Variants in NCOA1 observed in about 807,000 individuals in gnomAD.
NCOA1 encodes Hin-2 protein.
In NCOA1, 35 loss-of-function variants were observed where a neutral mutation model predicts 150.9. That is an observed-to-expected ratio of 0.23 (90% CI 0.18 to 0.31). The LOEUF is 0.31. NCOA1 is among the 10% of genes least tolerant of loss of function. NCOA1 has a pLI of 1.00. For missense variants in NCOA1, 1,491 were observed against 1,749.3 expected (o/e 0.85, Z 2.63); for synonymous variants, 590 against 630.0 (o/e 0.94, Z 0.95).
At chr2:24,525,408 C>G (rs1257173689) in intron 1 of NCOA1, among the ~76,000 whole-genome samples, 1 of 152,054 alleles carries the variant, frequency 6.6e-6, no homozygotes, top group African/African-American at 2.4e-5. Context: ...ACAAGGGTGG[C>G]ATATTAAGGA....
chr2:24,705,149 T>G lies in NCOA1; in HGVS notation c.1013T>G (p.Leu338Arg). 1 of 1,614,150 alleles carries G rather than the reference T, an allele frequency of 6.2e-7. No homozygotes were observed. The highest frequency in any genetic ancestry group is 8.5e-7 in the Non-Finnish European group (1 of 1,179,980). ...YRFILNDGTM[L>R]SAHTKCKLCY... ...TTCATATTGAATGATGGGACAATGCTTAGCGCCCACACCAAGTGTAAACTT... is the reference window on the plus strand; with the variant it reads ...TTCATATTGAATGATGGGACAATGCGTAGCGCCCACACCAAGTGTAAACTT... The change falls in exon 12 of 23, where the codon CTT becomes CGT. Residue 338 changes from leucine (L) to arginine (R), a missense_variant. Coordinates refer to ENST00000348332, the MANE Select transcript of NCOA1 (RefSeq NM_003743.5).
chr2:24,553,433 G>A (rs1422411940), intron 1 of NCOA1, among the ~76,000 whole-genome samples: 1 of 152,076 alleles, frequency 6.6e-6, no homozygotes, highest in Non-Finnish European at 1.5e-5. Context: ...TGGCCAGGCT[G>A]GTCCCAAACT....
At chr2:24,748,327 T>C (rs1032050966) in intron 19 of NCOA1, among the ~76,000 whole-genome samples, 12 of 149,712 alleles carry the variant, frequency 8.0e-5, no homozygotes, top group Admixed American at 2.7e-4. Context: ...TTCTAGCCTA[T>C]AAGGCCGGGC....
chr2:24,500,505 T>A (rs1663416456), intron 1 of NCOA1, among the ~76,000 whole-genome samples: 1 of 152,228 alleles, frequency 6.6e-6, no homozygotes, highest in Non-Finnish European at 1.5e-5. Flanking sequence ...TGGTTTGTAG[T>A]TTACAGGGGC....
At chr2:24,647,034 A>G (rs1332657193) in intron 4 of NCOA1, among the ~76,000 whole-genome samples, 3 of 152,204 alleles carry the variant, frequency 2.0e-5, no homozygotes, top group Non-Finnish European at 2.9e-5. Context: ...ACGATTCGCT[A>G]TATGAATAAC....
intron 17 of NCOA1, 90 bp downstream of exon 17, chr2:24,729,905 G>C (rs1220153813): frequency 1.4e-6 from 2 of 1,389,738 alleles, no homozygotes; most frequent in East Asian, 2.3e-5. Flanking sequence ...GTGTGCAGTA[G>C]TGCTATCTCA....
intron 1 of NCOA1, among the ~76,000 whole-genome samples, chr2:24,519,105 G>A (rs1178980774): frequency 1.3e-5 from 2 of 152,194 alleles, no homozygotes; most frequent in African/African-American, 4.8e-5. Flanking sequence ...CAATAGGGTG[G>A]TATGGGTTTC....
intron 2 of NCOA1, among the ~76,000 whole-genome samples, chr2:24,574,126 G>A (rs1342940554): frequency 6.6e-6 from 1 of 151,826 alleles, no homozygotes. Flanking sequence ...ATCTTACAAA[G>A]GAAAAGATGG....
chr2:24,670,764 A>G (rs367776638), intron 6 of NCOA1, among the ~76,000 whole-genome samples: 147 of 152,332 alleles, frequency 9.6e-4, no homozygotes, highest in African/African-American at 3.3e-3. Context: ...CAGTGGTTGC[A>G]CAATTCTGTG....
At chr2:24,587,395 T>C (rs1398409774) in intron 3 of NCOA1, among the ~76,000 whole-genome samples, 4 of 151,870 alleles carry the variant, frequency 2.6e-5, no homozygotes, top group Non-Finnish European at 4.4e-5. Context: ...AGGTTGCTTT[T>C]AGTATTCTGC....
At chr2:24,639,181 A>G (rs990668194) in intron 3 of NCOA1, among the ~76,000 whole-genome samples, 1 of 152,116 alleles carries the variant, frequency 6.6e-6, no homozygotes, top group Non-Finnish European at 1.5e-5. Context: ...GTTGGATACA[A>G]CTTACCTGTG....
intron 3 of NCOA1, among the ~76,000 whole-genome samples, chr2:24,627,182 CT>C (rs1669463038): frequency 6.9e-6 from 1 of 144,496 alleles, no homozygotes; most frequent in Non-Finnish European, 1.5e-5. Context: ...TCCTCACCCC[CT>C]ACCCCCACTA....
intron 1 of NCOA1, among the ~76,000 whole-genome samples, chr2:24,534,451 C>T (rs1379841349): frequency 6.6e-6 from 1 of 150,726 alleles, no homozygotes; most frequent in African/African-American, 2.4e-5. Flanking sequence ...CTATCTCCTT[C>T]AGTTCTGCTC....
At chr2:24,714,952 C>T (rs538981543) in intron 14 of NCOA1, among the ~76,000 whole-genome samples, 1 of 151,988 alleles carries the variant, frequency 6.6e-6, no homozygotes, top group African/African-American at 2.4e-5. Context: ...CACATTATGT[C>T]AGATAAACAA....
At chr2:24,513,755 A>G (rs961785669) in intron 1 of NCOA1, among the ~76,000 whole-genome samples, 15 of 152,196 alleles carry the variant, frequency 9.9e-5, no homozygotes, top group Admixed American at 3.3e-4. Context: ...ACATTCCTCA[A>G]ACATTTCTAG....
intron 14 of NCOA1, among the ~76,000 whole-genome samples, chr2:24,722,193 A>C (rs1674388202): frequency 6.6e-6 from 1 of 152,192 alleles, no homozygotes; most frequent in African/African-American, 2.4e-5. Context: ...CCTGGTTTCA[A>C]AACATGTTGT....
chr2:24,659,827 A>T (rs1671100287), intron 5 of NCOA1, among the ~76,000 whole-genome samples: 1 of 152,172 alleles, frequency 6.6e-6, no homozygotes, highest in Non-Finnish European at 1.5e-5. Flanking sequence ...TGTCAGTAGC[A>T]TCTTAGTTGT....
intron 5 of NCOA1, 38 bp downstream of exon 5, chr2:24,658,804 G>T: frequency 1.3e-6 from 2 of 1,578,112 alleles, no homozygotes; most frequent in Non-Finnish European, 1.7e-6. Context: ...TGGCAGAGCT[G>T]CTTTATTACT....
chr2:24,747,861 C>T (rs1482784008), intron 19 of NCOA1, among the ~76,000 whole-genome samples: 1 of 152,012 alleles, frequency 6.6e-6, no homozygotes, highest in African/African-American at 2.4e-5. Context: ...AATCCCAGCA[C>T]TTTGGGAGGC....
Sources: allele counts gnomAD v4.1 joint callset (sites outside exome capture counted in the v4.1 genomes callset), GRCh38; gene constraint gnomAD v4.1.1; transcripts MANE v1.5; gene names NCBI Gene and HGNC (gene_info 2026-07-23, HGNC 2026-07-21).